The following ZBTB24 variants were observed in gnomAD, a reference collection of about 807,000 sequenced individuals.
ZBTB24 encodes zinc finger and BTB domain containing 24.
A neutral mutation model predicts 53.8 loss-of-function variants in ZBTB24; 32 were observed. That is an observed-to-expected ratio of 0.60 (90% CI 0.45 to 0.80). ZBTB24 has a LOEUF of 0.80. ZBTB24 is among the 30% of genes least tolerant of loss of function. The pLI is 0.00. For synonymous variants in ZBTB24, 297 were observed against 306.7 expected (o/e 0.97, Z 0.33); for missense variants, 722 against 837.1 (o/e 0.86, Z 1.70).
At chr6:109,482,835 G>T (rs1776458512) in intron 1 of ZBTB24, among the ~76,000 whole-genome samples, 1 of 152,204 alleles carries the variant, frequency 6.6e-6, no homozygotes, top group East Asian at 1.9e-4. Flanking sequence ...GTGAAGAAAT[G>T]TGCACGTGCA....
rs1776422776 is a variant in ZBTB24, at chr6:109,481,793, C to T, written c.234G>A (p.Met78Ile). 2 of 1,614,110 alleles carry T rather than the reference C, an allele frequency of 1.2e-6. No individual in the cohort carries two copies. The highest frequency in any genetic ancestry group is 2.7e-5 in the African/African-American group (2 of 74,938). ...AGGTGTCTGCAACCATGCCTTCCAG[C>T]ATATAAATGGATTGGCCGATTTCCC... ...EEGEIGQSIYMLEGMVADTFG... is the reference protein window; with the variant it reads ...EEGEIGQSIYILEGMVADTFG... Residue 78 changes from methionine to isoleucine, a missense_variant, in exon 2 of 7, where the codon ATG becomes ATA. Coordinates refer to ENST00000230122, the MANE Select transcript of ZBTB24 (RefSeq NM_014797.3).
chr6:109,476,139 T>C (rs771478541), intron 4 of ZBTB24, 36 bp downstream of exon 4: 44 of 1,603,906 alleles, frequency 2.7e-5, no homozygotes, highest in African/African-American at 4.0e-5. Flanking sequence ...TTTGCATTTC[T>C]TCCCCCCCAA....
intron 6 of ZBTB24, among the ~76,000 whole-genome samples, chr6:109,467,252 G>A (rs1360399844): frequency 6.6e-6 from 1 of 152,136 alleles, no homozygotes; most frequent in East Asian, 1.9e-4. Context: ...GCCAGGTGTG[G>A]TGGCTCACAC....
Position 109,467,820 on chromosome 6 carries a change from AC to A in ZBTB24, c.1289-87del, listed in dbSNP as rs1245935025. On this transcript the variant is annotated intron_variant, in intron 5 of 6. Transcript: ENST00000230122. ...TTCAGAATAAGACAAAATTAAAAAA[AC>A]ACTTCGGTTTCACAATATAAACAGA... 1.9e-5 allele frequency: 28 copies of A among 1,460,066 alleles called. No individual in the cohort carries two copies. In the Middle Eastern group the frequency reaches 1.2e-3, roughly 60 times the overall value. The allele number at this position is 1,460,066 out of a possible 1,614,324, so 90.4% of individuals were successfully genotyped here. A position where few individuals can be genotyped will look rare whatever the true frequency, so the allele number is the denominator to read the frequency against.
Position 109,463,512 on chromosome 6 carries a change from G to C in ZBTB24, c.*2339C>G, listed in dbSNP as rs543995758. On this transcript the variant is annotated 3_prime_UTR_variant, in exon 7 of 7. Transcript: ENST00000230122. Reference sequence around the variant, plus strand: ...TTTGCACTGTGTCCCATGCAACAAGGAACTGGATTTTAATTTTAATAAATT... The same window carrying C: ...TTTGCACTGTGTCCCATGCAACAAGCAACTGGATTTTAATTTTAATAAATT... The C allele has an allele frequency of 1.7e-4, 26 of 152,186 alleles. No individual in the cohort carries two copies. Among genetic ancestry groups the C allele is most frequent in the Middle Eastern group, 3.4e-3 (1 of 292 alleles). 9.4% of individuals were successfully genotyped at this position (152,186 alleles called of 1,614,324 possible).
At position 109,464,722 on chromosome 6, in the gene ZBTB24, C is replaced by G. The variant is rs1775991135; in HGVS notation, c.*1129G>C. ...TAGGGAGGCTAAGGTGGGAGGGTTGCTTGAGCCCAGGAATTCGAGGTTACA... is the reference window on the plus strand; with the variant it reads ...TAGGGAGGCTAAGGTGGGAGGGTTGGTTGAGCCCAGGAATTCGAGGTTACA... On this transcript the variant is annotated 3_prime_UTR_variant, in exon 7 of 7. Transcript: ENST00000230122. 6.6e-6 allele frequency: 1 copy of G among 152,294 alleles called. No homozygotes were observed. Among genetic ancestry groups the G allele is most frequent in the East Asian group, 1.9e-4 (1 of 5,188 alleles). 9.4% of individuals were successfully genotyped at this position (152,294 alleles called of 1,614,324 possible).
At chr6:109,473,530 C>G (rs1776212525) in intron 5 of ZBTB24, among the ~76,000 whole-genome samples, 1 of 152,200 alleles carries the variant, frequency 6.6e-6, no homozygotes, top group East Asian at 1.9e-4. Flanking sequence ...GAGCAACTCT[C>G]TTTCCGGCAT....
rs566313949 is a variant in ZBTB24 at position 109,477,006 on chromosome 6, A to T, written c.953-76T>A. 2.3e-5 allele frequency: 36 copies of T among 1,553,018 alleles called. No homozygotes were observed. The East Asian group carries it at 7.8e-4, about 33-fold the overall frequency. ...TCTGTCTCTCCCAAATTAAAAAAAC[A>T]ATAAAGGATTTTTCTTAAAAGGCAC... On this transcript the variant is annotated intron_variant, in intron 2 of 6. Coordinates refer to ENST00000230122, the MANE Select transcript of ZBTB24 (RefSeq NM_014797.3).
At chr6:109,470,051 CAGG>C (rs1776133802) in intron 5 of ZBTB24, among the ~76,000 whole-genome samples, 1 of 152,230 alleles carries the variant, frequency 6.6e-6, no homozygotes, top group Admixed American at 6.5e-5. Flanking sequence ...GGGCTAGAGG[CAGG>C]AGGACCTCTA....
rs775909074 is a variant in ZBTB24 at position 109,465,897 on chromosome 6, G to A, written c.2048C>T (p.Thr683Ile). The change falls in exon 7 of 7, where the codon ACT (threonine) becomes ATT (isoleucine). Residue 683 changes from threonine to isoleucine, a missense_variant. Coordinates refer to ENST00000230122, the MANE Select transcript of ZBTB24 (RefSeq NM_014797.3). ...TGGCGTTGGCTGGGGCACGTGGTGAGTGGGTGGTGGCGGACCAGGCTCCTG... is the reference window on the plus strand; with the variant it reads ...TGGCGTTGGCTGGGGCACGTGGTGAATGGGTGGTGGCGGACCAGGCTCCTG... ...LTQEPGPPPP[T>I]HHVPQPTPLG... 3.1e-6 allele frequency: 5 copies of A among 1,614,212 alleles called. No homozygotes were observed. In the East Asian group the frequency reaches 1.1e-4, roughly 36 times the overall value.
intron 5 of ZBTB24, 106 bp from the exon 6 acceptor site, chr6:109,467,840 AAACAG>A: frequency 7.6e-7 from 1 of 1,307,916 alleles, no homozygotes; most frequent in African/African-American, 1.5e-5. Context: ...TTCACAATAT[AAACAG>A]AACAAAGGCA....
At chr6:109,476,014 T>C (rs1293681079) in intron 4 of ZBTB24, among the ~76,000 whole-genome samples, 161 bp downstream of exon 4, 1 of 152,206 alleles carries the variant, frequency 6.6e-6, no homozygotes, top group Non-Finnish European at 1.5e-5. Flanking sequence ...TGGCGGACAA[T>C]AACATAAAAA....
intron 5 of ZBTB24, among the ~76,000 whole-genome samples, chr6:109,473,331 G>A (rs1166211579): frequency 6.6e-6 from 1 of 152,026 alleles, no homozygotes. Flanking sequence ...GCTCCTCCCA[G>A]CACGTCTCCA....
intron 5 of ZBTB24, among the ~76,000 whole-genome samples, chr6:109,474,305 TC>T (rs1776232833): frequency 6.6e-6 from 1 of 152,204 alleles, no homozygotes; most frequent in Non-Finnish European, 1.5e-5. Context: ...TGCTGCCTCC[TC>T]GTCATCTCTG....
chr6:109,468,396 A>T (rs1323527798), intron 5 of ZBTB24, among the ~76,000 whole-genome samples: 1 of 151,880 alleles, frequency 6.6e-6, no homozygotes, highest in Non-Finnish European at 1.5e-5. Flanking sequence ...CCTACAAGCG[A>T]TCATAGATCT....
Position 109,474,864 on chromosome 6 carries a change from C to T in ZBTB24, c.1288+535G>A, listed in dbSNP as rs565645531. Among the ~76,000 whole-genome samples, 12 of 151,766 alleles carry T rather than the reference C, an allele frequency of 7.9e-5. No individual in the cohort carries two copies. In the South Asian group the frequency reaches 2.5e-3, roughly 32 times the overall value. On this transcript the variant is annotated intron_variant, in intron 5 of 6. Transcript: ENST00000230122. Reference sequence around the variant, plus strand: ...GACCAGCCTGGGCAACATAGTGGGACCCATCTCTACAAAAATTAAAAAATA... The same window carrying T: ...GACCAGCCTGGGCAACATAGTGGGATCCATCTCTACAAAAATTAAAAAATA...
rs751094588 is a variant in ZBTB24, at chr6:109,482,012, C to T, written c.15G>A (p.Ser5=). Residue 5 remains serine, a synonymous_variant, in exon 2 of 7, where the codon TCG becomes TCA. Transcript: ENST00000230122. MAET[S]PEPSGQLVVH... is the part of the protein sequence containing the mutation. ...CAACAAGCTGCCCAGAAGGCTCTGG[C>T]GATGTTTCTGCCATTTTCTTCAGAA... The T allele has an allele frequency of 1.9e-6, 3 of 1,614,104 alleles. No individual in the cohort carries two copies. The highest frequency in any genetic ancestry group is 2.2e-5 in the South Asian group (2 of 91,084).
chr6:109,474,941 G>A (rs751757215), intron 5 of ZBTB24, among the ~76,000 whole-genome samples: 26 of 151,460 alleles, frequency 1.7e-4, no homozygotes, highest in Non-Finnish European at 3.4e-4. Flanking sequence ...TACCCAGGAG[G>A]CTGAGGTGGG....
Position 109,465,959 on chromosome 6 carries a change from T to C in ZBTB24, c.1986A>G (p.Thr662=), listed in dbSNP as rs777970263. The C allele has an allele frequency of 6.2e-6, 10 of 1,614,082 alleles. No individual in the cohort carries two copies. In the African/African-American group the frequency reaches 1.1e-4, roughly 17 times the overall value. The change falls in exon 7 of 7, where the codon ACA becomes ACG. Residue 662 remains threonine, a synonymous_variant. Coordinates refer to ENST00000230122, the MANE Select transcript of ZBTB24 (RefSeq NM_014797.3). ...QEQTEELHLA[T]STSDPAQHLQ... is the part of the protein sequence containing the mutation. ...GGTGCTGAGCTGGATCTGAAGTACT[T>C]GTAGCTAAATGGAGCTCCTCTGTTT...
Sources: allele counts gnomAD v4.1 joint callset (sites outside exome capture counted in the v4.1 genomes callset), GRCh38; gene constraint gnomAD v4.1.1; transcripts MANE v1.5; gene names NCBI Gene and HGNC (gene_info 2026-07-23, HGNC 2026-07-21).